NRG3: variants seen among roughly 807,000 people sequenced by gnomAD.
NRG3 encodes the protein pro-neuregulin-3, membrane-bound isoform.
NRG3 carries 31 observed loss-of-function variants against 66.9 expected under a neutral mutation model. The ratio of observed to expected loss-of-function variants is 0.46; its 90% CI spans 0.35 to 0.63. NRG3 has a LOEUF of 0.63. Ranked by LOEUF, NRG3 falls within the 20% of genes least tolerant of loss-of-function variation. NRG3 has a pLI of 0.00. For synonymous variants in NRG3, 393 were observed against 359.4 expected (o/e 1.09, Z -1.06); for missense variants, 910 against 878.9 (o/e 1.04, Z -0.45).
In NRG3 at chr10:81,968,494, G is replaced by A. The variant is rs553550681; in HGVS notation, c.823+92331G>A. Among the ~76,000 whole-genome samples, 389 of 152,290 alleles carry A rather than the reference G, an allele frequency of 2.6e-3. 1 individual carries two copies. The highest frequency in any genetic ancestry group is 9.0e-3 in the African/African-American group (376 of 41,558). ...CCTCCCTTTTTGTTCCTCTTGCACAGCTCTGACGTTGGGGGACTGGGCACC... is the reference window on the plus strand; with the variant it reads ...CCTCCCTTTTTGTTCCTCTTGCACAACTCTGACGTTGGGGGACTGGGCACC... On this transcript the variant is annotated intron_variant, in intron 1 of 8. Transcript: ENST00000372141.
At chr10:81,975,909 G>A (rs928541609) in intron 1 of NRG3, among the ~76,000 whole-genome samples, 66 of 152,206 alleles carry the variant, frequency 4.3e-4, no homozygotes, top group African/African-American at 1.4e-3. Flanking sequence ...TAGATTTGAA[G>A]CTGTGGCTGG....
intron 1 of NRG3, among the ~76,000 whole-genome samples, chr10:82,302,612 C>T (rs1164252614): frequency 6.6e-6 from 1 of 152,054 alleles, no homozygotes; most frequent in Non-Finnish European, 1.5e-5. Flanking sequence ...TTTCACATCA[C>T]AGACCTTTTA....
intron 1 of NRG3, among the ~76,000 whole-genome samples, chr10:82,118,750 G>A (rs761160849): frequency 2.2e-4 from 34 of 152,022 alleles, no homozygotes; most frequent in Admixed American, 1.3e-4. Context: ...TGCAATAGAT[G>A]TGGAAAGTTA....
chr10:82,408,607 AC>A (rs1464501429), intron 2 of NRG3, among the ~76,000 whole-genome samples: 1 of 145,520 alleles, frequency 6.9e-6, no homozygotes, highest in African/African-American at 2.6e-5. Flanking sequence ...AAGGAAAATG[AC>A]AAAACTATAC....
intron 1 of NRG3, among the ~76,000 whole-genome samples, chr10:82,079,917 T>C (rs180697434): frequency 3.9e-5 from 6 of 152,270 alleles, no homozygotes; most frequent in Non-Finnish European, 7.4e-5. Flanking sequence ...GAATAAAGAT[T>C]TATTTGGTTA....
intron 2 of NRG3, among the ~76,000 whole-genome samples, chr10:82,428,616 G>T (rs1252369670): frequency 6.6e-6 from 1 of 151,890 alleles, no homozygotes; most frequent in Admixed American, 6.6e-5. Flanking sequence ...ATAAATGTTT[G>T]ATTTATGTCC....
intron 1 of NRG3, among the ~76,000 whole-genome samples, chr10:82,148,127 A>T (rs1784769155): frequency 6.6e-6 from 1 of 152,172 alleles, no homozygotes; most frequent in South Asian, 2.1e-4. Flanking sequence ...CCTCTGATAG[A>T]AGTCAAACTT....
At chr10:81,877,986 T>G (rs909559373) in intron 1 of NRG3, 1 of 1,537,470 alleles carries the variant, frequency 6.5e-7, no homozygotes, top group African/African-American at 1.4e-5. Context: ...CCTCCAACCC[T>G]TGTATGCGTT....
At chr10:82,378,190 C>T (rs1465189835) in intron 2 of NRG3, among the ~76,000 whole-genome samples, 1 of 152,178 alleles carries the variant, frequency 6.6e-6, no homozygotes, top group African/African-American at 2.4e-5. Flanking sequence ...TGTTAAACCT[C>T]CTCCACACTC....
chr10:82,669,471 A>G (rs907753565), intron 2 of NRG3, among the ~76,000 whole-genome samples: 6 of 152,018 alleles, frequency 3.9e-5, no homozygotes, highest in African/African-American at 1.2e-4. Flanking sequence ...CTTACTACCA[A>G]TTATGGTTTC....
intron 3 of NRG3, among the ~76,000 whole-genome samples, chr10:82,768,678 G>A (rs917449766): frequency 1.3e-5 from 2 of 152,028 alleles, no homozygotes; most frequent in Admixed American, 6.6e-5. Flanking sequence ...AGCAATTCAT[G>A]TTATTAACTA....
chr10:82,640,319 A>G (rs192224042), intron 2 of NRG3, among the ~76,000 whole-genome samples: 522 of 152,374 alleles, frequency 3.4e-3, no homozygotes, highest in Non-Finnish European at 6.1e-3. Context: ...ACCATGGAAT[A>G]CTATGGAGCC....
Position 82,738,611 on chromosome 10 carries a change from C to A in NRG3, c.988C>A (p.Gln330Lys). ...AGGCTACCAAGGAGTCCGTTGTGAT[C>A]AATTTCTGCCGAAAACTGATTCCAT... is the stretch of plus-strand genomic sequence containing the variant. ...KEGYQGVRCDQFLPKTDSILS... is the reference protein window; with the variant it reads ...KEGYQGVRCDKFLPKTDSILS... The change falls in exon 3 of 9, where the codon CAA (glutamine) becomes AAA (lysine). Residue 330 changes from glutamine to lysine, a missense_variant. By Grantham distance (53) the Gln-to-Lys change is moderately conservative. Coordinates refer to ENST00000372141, the MANE Select transcript of NRG3 (RefSeq NM_001010848.4). 3 of 1,614,138 alleles carry A rather than the reference C, an allele frequency of 1.9e-6. No individual in the cohort carries two copies. Among genetic ancestry groups the A allele is most frequent in the Admixed American group, 1.7e-5 (1 of 60,026 alleles).
chr10:82,610,580 G>C (rs759937712), intron 2 of NRG3, among the ~76,000 whole-genome samples: 1 of 152,118 alleles, frequency 6.6e-6, no homozygotes, highest in African/African-American at 2.4e-5. Context: ...GATGCTCTTG[G>C]CTAAGAGTGA....
chr10:82,867,307 A>G (rs1361680164), intron 4 of NRG3, among the ~76,000 whole-genome samples: 1 of 152,250 alleles, frequency 6.6e-6, no homozygotes, highest in Non-Finnish European at 1.5e-5. Flanking sequence ...ATTGAGAAAC[A>G]GAACAGAGCT....
rs1366881712 is a variant in NRG3, at chr10:82,761,088, C to G, written c.1027+22438C>G. 2.6e-5 allele frequency among the ~76,000 whole-genome samples: 4 copies of G among 151,260 alleles called. No individual in the cohort carries two copies. In the East Asian group the frequency reaches 7.8e-4, roughly 29 times the overall value. ...TTTAAAAATCTACAGATGACTTGAG[C>G]TAATTATAAAAAAAACTCTAAAACT... On this transcript the variant is annotated intron_variant, in intron 3 of 8. Transcript: ENST00000372141.
chr10:82,258,406 A>G (rs936064051), intron 1 of NRG3, among the ~76,000 whole-genome samples: 2 of 152,140 alleles, frequency 1.3e-5, no homozygotes, highest in Admixed American at 6.6e-5. Context: ...ATGGCATACA[A>G]ATTGGATTTG....
At chr10:82,742,126 C>T (rs578080) in intron 3 of NRG3, among the ~76,000 whole-genome samples, 112,992 of 151,862 alleles carry the variant, frequency 0.74, 42,457 homozygotes, top group Non-Finnish European at 0.79. Context: ...CCCTCTCTCT[C>T]GTCTGTCCAG....
chr10:82,000,279 C>T (rs992257915), intron 1 of NRG3, among the ~76,000 whole-genome samples: 2 of 151,974 alleles, frequency 1.3e-5, no homozygotes, highest in Non-Finnish European at 2.9e-5. Context: ...ATGAAGTAGC[C>T]GTTCTTATGT....
Sources: gnomAD v4.1 joint callset for allele counts (sites outside exome capture counted in the v4.1 genomes callset) on GRCh38, gnomAD v4.1.1 for gene constraint, MANE v1.5 for transcripts, NCBI Gene and HGNC (gene_info 2026-07-23, HGNC 2026-07-21) for gene names.